Variants in RAMP3 observed in about 807,000 individuals in gnomAD.
RAMP3 encodes the protein receptor activity-modifying protein 3.
In RAMP3, 14 loss-of-function variants were observed where a neutral mutation model predicts 13.5. The ratio of observed to expected loss-of-function variants is 1.04; its 90% CI spans 0.69 to 1.63. The LOEUF (loss-of-function observed/expected upper bound fraction) is 1.63. Ranked by LOEUF, RAMP3 falls within the 40% of genes most tolerant of loss-of-function variation. RAMP3 has a pLI of 0.00. For missense variants in RAMP3, 200 were observed against 204.8 expected (o/e 0.98, Z 0.14); for synonymous variants, 106 against 88.3 (o/e 1.20, Z -1.12).
chr7:45,158,472 G>C (rs540037729), intron 1 of RAMP3, among the ~76,000 whole-genome samples: 164 of 152,346 alleles, frequency 1.1e-3, no homozygotes, highest in African/African-American at 3.8e-3. Context: ...AAGAAATCAG[G>C]ACTCTAGGAA....
chr7:45,163,245 C>T (rs937257801), intron 1 of RAMP3: 2 of 985,356 alleles, frequency 2.0e-6, no homozygotes, highest in Non-Finnish European at 2.4e-6. Flanking sequence ...ATGACAGTGC[C>T]CAGAGGAACT....
At chr7:45,162,007 C>A (rs10248889) in intron 1 of RAMP3, among the ~76,000 whole-genome samples, 1 of 152,102 alleles carries the variant, frequency 6.6e-6, no homozygotes, top group Non-Finnish European at 1.5e-5. Flanking sequence ...GCTAGGCGAA[C>A]CTTCAGAGTC....
intron 1 of RAMP3, among the ~76,000 whole-genome samples, chr7:45,175,539 C>A (rs1404860710): frequency 6.6e-6 from 1 of 152,226 alleles, no homozygotes; most frequent in Non-Finnish European, 1.5e-5. Context: ...TCAGTGCTGT[C>A]AGCCTGGATT....
At chr7:45,180,348 C>T (rs1786281165) in intron 2 of RAMP3, among the ~76,000 whole-genome samples, 1 of 152,244 alleles carries the variant, frequency 6.6e-6, no homozygotes, top group East Asian at 1.9e-4. Context: ...ACACTCCTTT[C>T]TTTCCCCTGA....
At position 45,163,131 on chromosome 7, in the gene RAMP3, AC is replaced by A. The variant is rs1373937391; in HGVS notation, c.58+5249del. The A allele has an allele frequency of 3.1e-6, 3 of 982,804 alleles. No homozygotes were observed. In the African/African-American group the frequency reaches 5.2e-5, roughly 17 times the overall value. The allele number at this position is 982,804 out of a possible 1,614,324, so 60.9% of individuals were successfully genotyped here. On this transcript the variant is annotated intron_variant, in intron 1 of 2. Coordinates refer to ENST00000242249, the MANE Select transcript of RAMP3 (RefSeq NM_005856.3). ...AACAAACATGAATTATTGGTTTCAC[AC>A]CCCAGAGGCTCCCATGCAATAGGCC...
At chr7:45,173,382 G>A (rs922345352) in intron 1 of RAMP3, among the ~76,000 whole-genome samples, 1 of 152,228 alleles carries the variant, frequency 6.6e-6, no homozygotes, top group African/African-American at 2.4e-5. Context: ...TCCATCAGAA[G>A]CTGTGGGTGG....
intron 1 of RAMP3, among the ~76,000 whole-genome samples, chr7:45,173,753 G>T (rs1786123817): frequency 6.6e-6 from 1 of 152,218 alleles, no homozygotes; most frequent in African/African-American, 2.4e-5. Flanking sequence ...GGGGAGGACT[G>T]CAAGGAGCAG....
intron 1 of RAMP3, among the ~76,000 whole-genome samples, chr7:45,161,863 G>T (rs1785873161): frequency 6.6e-6 from 1 of 152,118 alleles, no homozygotes; most frequent in Non-Finnish European, 1.5e-5. Context: ...GGAGGGACAG[G>T]GTGGGGCTAG....
chr7:45,174,327 G>T (rs1479811587), intron 1 of RAMP3, among the ~76,000 whole-genome samples: 1 of 152,060 alleles, frequency 6.6e-6, no homozygotes, highest in Non-Finnish European at 1.5e-5. Flanking sequence ...GTACAGGCTG[G>T]GTCCTCAGGG....
intron 2 of RAMP3, among the ~76,000 whole-genome samples, chr7:45,182,040 C>T (rs1786326845): frequency 6.6e-6 from 1 of 152,120 alleles, no homozygotes. Context: ...GGTCAGAGTC[C>T]CTGTTTCCTA....
intron 1 of RAMP3, among the ~76,000 whole-genome samples, chr7:45,174,097 C>T (rs942159273): frequency 6.6e-5 from 10 of 152,084 alleles, no homozygotes; most frequent in East Asian, 1.9e-4. Flanking sequence ...TGGGGAGCAC[C>T]GTGCTTTGGC....
At chr7:45,183,129 C>T in intron 2 of RAMP3, 28 bp from the exon 3 acceptor site, 3 of 1,604,058 alleles carry the variant, frequency 1.9e-6, no homozygotes, top group African/African-American at 1.3e-5. Context: ...TGGCGAGAGC[C>T]TGGCTTTCAC....
chr7:45,172,441 A>G (rs1004226019), intron 1 of RAMP3, among the ~76,000 whole-genome samples: 1 of 152,278 alleles, frequency 6.6e-6, no homozygotes, highest in South Asian at 2.1e-4. Context: ...TGAGCTTCTC[A>G]TACCACCATC....
At chr7:45,160,910 TG>T (rs1436505932) in intron 1 of RAMP3, among the ~76,000 whole-genome samples, 13 of 152,212 alleles carry the variant, frequency 8.5e-5, no homozygotes, top group African/African-American at 3.1e-4. Context: ...GTTCTAACAT[TG>T]GGTGGGTTGT....
chr7:45,178,844 G>A (rs1337076766), intron 2 of RAMP3, among the ~76,000 whole-genome samples: 1 of 152,206 alleles, frequency 6.6e-6, no homozygotes, highest in African/African-American at 2.4e-5. Flanking sequence ...GCAACCCGAT[G>A]GGCATTTAGG....
At chr7:45,180,572 G>C (rs551819869) in intron 2 of RAMP3, among the ~76,000 whole-genome samples, 1 of 152,336 alleles carries the variant, frequency 6.6e-6, no homozygotes, top group African/African-American at 2.4e-5. Context: ...CAACCAGAGC[G>C]TGTCCTCTCC....
chr7:45,176,172 A>G (rs529854160), intron 1 of RAMP3, among the ~76,000 whole-genome samples: 10 of 152,182 alleles, frequency 6.6e-5, no homozygotes, highest in Admixed American at 5.9e-4. Context: ...CATCTTGCGG[A>G]TGGGGAAACT....
At chr7:45,163,130 C>T in intron 1 of RAMP3, 3 of 982,002 alleles carry the variant, frequency 3.1e-6, no homozygotes, top group Non-Finnish European at 3.6e-6. Flanking sequence ...ATTGGTTTCA[C>T]ACCCCAGAGG....
At chr7:45,163,844 G>C (rs967292963) in intron 1 of RAMP3, 11 of 985,368 alleles carry the variant, frequency 1.1e-5, no homozygotes, top group Non-Finnish European at 1.2e-5. Context: ...AGAAGGACAC[G>C]GGCCTCCATT....
Sources: gnomAD v4.1 joint callset for allele counts (sites outside exome capture counted in the v4.1 genomes callset) on GRCh38, gnomAD v4.1.1 for gene constraint, MANE v1.5 for transcripts, NCBI Gene and HGNC (gene_info 2026-07-23, HGNC 2026-07-21) for gene names.